ZBTB20: variants seen among roughly 807,000 people sequenced by gnomAD.
ZBTB20 encodes the protein zinc finger and BTB domain containing 20.
Under a neutral mutation model 56.9 loss-of-function variants are expected in ZBTB20, and 9 were observed. The observed-to-expected ratio is 0.16, with a 90% CI of 0.10 to 0.28. The LOEUF (loss-of-function observed/expected upper bound fraction) is 0.28. Ranked by LOEUF, ZBTB20 falls within the 10% of genes least tolerant of loss-of-function variation. The pLI, the probability that ZBTB20 is intolerant of heterozygous loss-of-function variation, is 1.00. For missense variants in ZBTB20, 655 were observed against 1,003.0 expected (o/e 0.65, Z 4.69); for synonymous variants, 417 against 420.7 (o/e 0.99, Z 0.11).
chr3:114,726,469 C>T (rs2065287821), intron 5 of ZBTB20, among the ~76,000 whole-genome samples: 1 of 152,050 alleles, frequency 6.6e-6, no homozygotes, highest in Admixed American at 6.6e-5. Context: ...ATCAGAATTA[C>T]CTGAAGTGCT....
At chr3:115,094,159 G>T (rs1402614137) in intron 1 of ZBTB20, among the ~76,000 whole-genome samples, 1 of 151,980 alleles carries the variant, frequency 6.6e-6, no homozygotes, top group Non-Finnish European at 1.5e-5. Context: ...GAGAACTAGA[G>T]AAAGTAAGGG....
chr3:115,042,863 C>T (rs767732812), intron 2 of ZBTB20, among the ~76,000 whole-genome samples: 19 of 152,206 alleles, frequency 1.2e-4, no homozygotes, highest in Non-Finnish European at 2.5e-4. Context: ...TACATCTTTT[C>T]CATGCTTTAT....
At chr3:115,115,613 T>C (rs775878894) in intron 1 of ZBTB20, among the ~76,000 whole-genome samples, 12 of 152,088 alleles carry the variant, frequency 7.9e-5, no homozygotes, top group Non-Finnish European at 1.5e-4. Flanking sequence ...ACAAATGTGA[T>C]AGTTTGTTGC....
intron 2 of ZBTB20, among the ~76,000 whole-genome samples, chr3:115,035,925 A>T (rs112279244): frequency 3.3e-5 from 5 of 152,270 alleles, no homozygotes; most frequent in African/African-American, 1.2e-4. Flanking sequence ...ATGCTACAAC[A>T]TCAGTGAACT....
intron 7 of ZBTB20, among the ~76,000 whole-genome samples, chr3:114,445,836 T>G (rs1249699355): frequency 2.0e-5 from 3 of 152,186 alleles, no homozygotes; most frequent in Non-Finnish European, 2.9e-5. Context: ...ATGTGTTGAA[T>G]TTAATAAATT....
chr3:114,566,763 T>C (rs1454434551), intron 6 of ZBTB20, among the ~76,000 whole-genome samples: 10 of 152,168 alleles, frequency 6.6e-5, no homozygotes, highest in Non-Finnish European at 1.5e-4. Context: ...GTTGACAGCC[T>C]TTGAGATGCA....
intron 7 of ZBTB20, among the ~76,000 whole-genome samples, chr3:114,493,480 C>G (rs776210702): frequency 1.3e-5 from 2 of 152,182 alleles, no homozygotes; most frequent in Non-Finnish European, 2.9e-5. Context: ...AGGATAAACA[C>G]AAAAATCCTT....
intron 4 of ZBTB20, among the ~76,000 whole-genome samples, chr3:114,871,007 T>C (rs966327500): frequency 3.0e-4 from 46 of 152,208 alleles, no homozygotes; most frequent in African/African-American, 1.1e-3. Context: ...ACCCAAGTTT[T>C]GACACCTAGC....
chr3:114,365,291 A>C (rs1447729591), intron 10 of ZBTB20, among the ~76,000 whole-genome samples: 15 of 152,052 alleles, frequency 9.9e-5, no homozygotes, highest in Admixed American at 9.8e-4. Flanking sequence ...CATTCATTTA[A>C]TCCTCTATTC....
chr3:114,365,484 G>A (rs1362267363), intron 10 of ZBTB20, among the ~76,000 whole-genome samples: 1 of 152,168 alleles, frequency 6.6e-6, no homozygotes, highest in Non-Finnish European at 1.5e-5. Flanking sequence ...ATTCCTGTAA[G>A]AGGAGCTTGG....
intron 4 of ZBTB20, among the ~76,000 whole-genome samples, chr3:114,856,559 T>TA (rs201952651): frequency 6.6e-6 from 1 of 151,854 alleles, no homozygotes; most frequent in Non-Finnish European, 1.5e-5. Context: ...AAAAGAAAAT[T>TA]AAAAAAAGAT....
At chr3:114,560,319 A>C (rs2051844859) in intron 6 of ZBTB20, among the ~76,000 whole-genome samples, 1 of 152,176 alleles carries the variant, frequency 6.6e-6, no homozygotes, top group Admixed American at 6.5e-5. Context: ...GTTACTTTTC[A>C]GTAGATGATG....
At chr3:114,475,538 G>A (rs1388960235) in intron 7 of ZBTB20, among the ~76,000 whole-genome samples, 1 of 151,954 alleles carries the variant, frequency 6.6e-6, no homozygotes, top group Non-Finnish European at 1.5e-5. Context: ...ATGTTTTTTT[G>A]TTTTATTGTC....
chr3:114,764,787 T>C (rs1161555450), intron 5 of ZBTB20, among the ~76,000 whole-genome samples: 2 of 152,188 alleles, frequency 1.3e-5, no homozygotes, highest in Non-Finnish European at 2.9e-5. Context: ...AGCAATCTTA[T>C]ATTCATTTAT....
At chr3:115,111,018 A>G (rs973571090) in intron 1 of ZBTB20, among the ~76,000 whole-genome samples, 1 of 142,048 alleles carries the variant, frequency 7.0e-6, no homozygotes, top group Non-Finnish European at 1.6e-5. Flanking sequence ...ATAAATAAAT[A>G]AATAAATAAA....
In ZBTB20 at chr3:114,742,724, TA is replaced by T. The variant is rs563142166; in HGVS notation, c.-342-49150del. ...CTTAAACACTAGGCCAGTGGTTTTT[TA>T]ACCCTGATTGCACATTAGAAGCACC... On this transcript the variant is annotated intron_variant, in intron 5 of 11. Coordinates refer to ENST00000675478, the MANE Select transcript of ZBTB20 (RefSeq NM_001348800.3). Among the ~76,000 whole-genome samples the T allele has an allele frequency of 7.9e-5, 12 of 152,270 alleles. No individual in the cohort carries two copies. The South Asian group carries it at 2.3e-3, about 29-fold the overall frequency.
intron 5 of ZBTB20, among the ~76,000 whole-genome samples, chr3:114,787,645 C>T (rs2070654863): frequency 6.6e-6 from 1 of 151,654 alleles, no homozygotes. Context: ...GGTGGTGGTG[C>T]TTGTTACATA....
chr3:114,608,305 T>C (rs2057317510), intron 6 of ZBTB20, among the ~76,000 whole-genome samples: 1 of 152,226 alleles, frequency 6.6e-6, no homozygotes, highest in Non-Finnish European at 1.5e-5. Context: ...AGAAATCTTT[T>C]AGAACAATAT....
intron 4 of ZBTB20, among the ~76,000 whole-genome samples, chr3:114,845,212 G>A (rs1011609098): frequency 6.6e-6 from 1 of 151,078 alleles, no homozygotes; most frequent in African/African-American, 2.4e-5. Context: ...ATACACATTA[G>A]GTATCAATAA....
Sources: allele counts gnomAD v4.1 joint callset (sites outside exome capture counted in the v4.1 genomes callset), GRCh38; gene constraint gnomAD v4.1.1; transcripts MANE v1.5; gene names NCBI Gene and HGNC (gene_info 2026-07-23, HGNC 2026-07-21).